TMPRSS6: variants seen among roughly 807,000 people sequenced by gnomAD.
TMPRSS6 encodes transmembrane serine protease 6, also known as transmembrane protease serine 6.
Under a neutral mutation model 101.5 loss-of-function variants are expected in TMPRSS6, and 67 were observed. The ratio of observed to expected loss-of-function variants is 0.66; its 90% CI spans 0.54 to 0.81. The LOEUF (loss-of-function observed/expected upper bound fraction) is 0.81, where lower values mean the gene tolerates loss of function less well. TMPRSS6 is among the 30% of genes least tolerant of loss of function. The pLI, the probability that TMPRSS6 is intolerant of heterozygous loss-of-function variation, is 0.00. For synonymous variants in TMPRSS6, 453 were observed against 464.9 expected (o/e 0.97, Z 0.33); for missense variants, 1,034 against 1,088.7 (o/e 0.95, Z 0.71).
chr22:37,094,422 GAT>G (rs764129253), intron 6 of TMPRSS6, among the ~76,000 whole-genome samples: 10,106 of 149,320 alleles, frequency 0.068, 443 homozygotes, highest in African/African-American at 0.12. Context: ...TAGATAGATA[GAT>G]AGATATAAAC....
rs1391034828 is a variant in TMPRSS6, at chr22:37,095,893, T to G, written c.589+13A>C. 6 of 1,613,866 alleles carry G rather than the reference T, an allele frequency of 3.7e-6. No homozygotes were observed. The East Asian group carries it at 1.3e-4, about 36-fold the overall frequency. ...CATGAGGCCAACCCCACGTTTCCAC[T>G]CGCAGTACTGACCCAGGATCACTAG... On this transcript the variant is annotated intron_variant, in intron 5 of 17. Transcript: ENST00000676104.
At chr22:37,106,031 T>C (rs1237841870) in intron 1 of TMPRSS6, among the ~76,000 whole-genome samples, 1 of 152,118 alleles carries the variant, frequency 6.6e-6, no homozygotes. Flanking sequence ...GGCATAGAGG[T>C]GGTAACAGGT....
At position 37,069,028 on chromosome 22, in the gene TMPRSS6, C is replaced by A; in HGVS notation, c.2113+45G>T. 6.5e-7 allele frequency: 1 copy of A among 1,532,754 alleles called. No homozygotes were observed. The highest frequency in any genetic ancestry group is 1.2e-5 in the South Asian group (1 of 83,684). The allele number at this position is 1,532,754 out of a possible 1,614,324, so 94.9% of individuals were successfully genotyped here. A position where few individuals can be genotyped will look rare whatever the true frequency, so the allele number is the denominator to read the frequency against. ...CAGGCCAGGTGTTACGGCGCAGATC[C>A]GCACGGTCTCCCTCCGCCTCCCGCC... On this transcript the variant is annotated intron_variant, in intron 16 of 17. Transcript: ENST00000676104. This position sits in a 1 kb window ranked among gnomAD's most constrained non-coding sequence, Gnocchi z 4.8.
chr22:37,096,089 C>T lies in TMPRSS6; in HGVS notation c.406G>A (p.Glu136Lys), dbSNP rs116310349. 612 of 1,614,114 alleles carry T rather than the reference C, an allele frequency of 3.8e-4. 4 individuals carry two copies. In the African/African-American group the frequency reaches 7.6e-3, roughly 20 times the overall value. ...CAGAAGAAGCAGGTGAGGGGTCCCTCCCTAAGGCAGGCAGAAGTGAGAGAG... is the reference window on the plus strand; with the variant it reads ...CAGAAGAAGCAGGTGAGGGGTCCCTTCCTAAGGCAGGCAGAAGTGAGAGAG... ...YNSSSVYSFG[E>K]GPLTCFFWFI... The change falls in exon 5 of 18, where the codon GAG becomes AAG. Residue 136 changes from glutamate to lysine, a missense_variant and splice_region_variant. Glu to Lys is a moderately conservative substitution (Grantham distance 56). Coordinates refer to ENST00000676104, the MANE Select transcript of TMPRSS6 (RefSeq NM_001374504.1).
At chr22:37,076,722 G>A (rs1044294282) in intron 10 of TMPRSS6, among the ~76,000 whole-genome samples, 2 of 152,222 alleles carry the variant, frequency 1.3e-5, no homozygotes, top group African/African-American at 4.8e-5. Context: ...GGACACCCTT[G>A]CAGAACAGAT....
At chr22:37,094,827 G>A (rs565643808) in intron 6 of TMPRSS6, among the ~76,000 whole-genome samples, 2 of 152,292 alleles carry the variant, frequency 1.3e-5, no homozygotes, top group South Asian at 2.1e-4. Flanking sequence ...GGGTTGAGAC[G>A]CTCACCCCCA....
In TMPRSS6 at chr22:37,101,190, C is replaced by T. The variant is rs569375470; in HGVS notation, c.202+2026G>A. ...ATTGTGTGGGCAGAGGGGGCGGGAT[C>T]GGGGTCCCAGGAGGAGTGCACGTGA... is the stretch of plus-strand genomic sequence containing the variant. On this transcript the variant is annotated intron_variant, in intron 2 of 17. Coordinates refer to ENST00000676104, the MANE Select transcript of TMPRSS6 (RefSeq NM_001374504.1). The surrounding 1 kb of genome is among the most constrained non-coding windows in gnomAD (Gnocchi z 4.1). Among the ~76,000 whole-genome samples the T allele has an allele frequency of 1.3e-5, 2 of 152,106 alleles. No individual in the cohort carries two copies. Among genetic ancestry groups the T allele is most frequent in the Middle Eastern group, 3.4e-3 (1 of 294 alleles).
In TMPRSS6 at chr22:37,096,735, C is replaced by A; in HGVS notation, c.337-20G>T. ...CTTGAGCTGTGAGAAGGGAAGACAA[C>A]AGCCCCTGGGACCCTCTGCAGGGCA... On this transcript the variant is annotated intron_variant, in intron 3 of 17. Coordinates refer to ENST00000676104, the MANE Select transcript of TMPRSS6 (RefSeq NM_001374504.1). The A allele has an allele frequency of 6.4e-7, 1 of 1,557,708 alleles. No individual in the cohort carries two copies. Among genetic ancestry groups the A allele is most frequent in the Non-Finnish European group, 8.7e-7 (1 of 1,149,838 alleles).
intron 2 of TMPRSS6, among the ~76,000 whole-genome samples, chr22:37,098,895 G>A (rs1930059198): frequency 6.6e-6 from 1 of 152,204 alleles, no homozygotes; most frequent in South Asian, 2.1e-4. Flanking sequence ...CCAAGGTCAT[G>A]GGTCAGCACC....
In TMPRSS6 at chr22:37,065,748, G is replaced by C. The variant is rs1234404804; in HGVS notation, c.*332C>G. ...GTGGGGCGCACCTCAGACACTCCTCGGGATGTAGAACCAGCATTCTTGCTG... is the reference window on the plus strand; with the variant it reads ...GTGGGGCGCACCTCAGACACTCCTCCGGATGTAGAACCAGCATTCTTGCTG... On this transcript the variant is annotated 3_prime_UTR_variant, in exon 18 of 18. Coordinates refer to ENST00000676104, the MANE Select transcript of TMPRSS6 (RefSeq NM_001374504.1). 1.0e-5 allele frequency: 4 copies of C among 392,546 alleles called. No individual in the cohort carries two copies. In the Admixed American group the frequency reaches 1.5e-4, roughly 14 times the overall value. 24.3% of individuals were successfully genotyped at this position (392,546 alleles called of 1,614,324 possible).
At chr22:37,092,556 G>A (rs1163394784) in intron 6 of TMPRSS6, among the ~76,000 whole-genome samples, 1 of 151,502 alleles carries the variant, frequency 6.6e-6, no homozygotes, top group Non-Finnish European at 1.5e-5. Context: ...GAGTGCAATG[G>A]TGCAATCTTG....
Position 37,103,602 on chromosome 22 carries a change from G to A in TMPRSS6, c.-1-184C>T, listed in dbSNP as rs1930522176. ...CACAGAGGAGGGAAGTGCATCTCAGGTCAGCTCGCACCAGAGGGCAGGCAC... is the reference window on the plus strand; with the variant it reads ...CACAGAGGAGGGAAGTGCATCTCAGATCAGCTCGCACCAGAGGGCAGGCAC... On this transcript the variant is annotated intron_variant, in intron 1 of 17. Transcript: ENST00000676104. This position sits in a 1 kb window ranked among gnomAD's most constrained non-coding sequence, Gnocchi z 4.4. 6.2e-7 allele frequency: 1 copy of A among 1,610,492 alleles called. No individual in the cohort carries two copies.
intron 3 of TMPRSS6, 71 bp downstream of exon 3, chr22:37,098,345 T>TGTGATCA (rs908400208): frequency 6.8e-6 from 11 of 1,610,272 alleles, no homozygotes; most frequent in Non-Finnish European, 8.5e-6. Context: ...ACTGGCTCCA[T>TGTGATCA]GTGATCAGAC....
In TMPRSS6 at chr22:37,101,291, G is replaced by A. The variant is rs1303043362; in HGVS notation, c.202+1925C>T. ...CTGTTTTGTTTTCTCACTGAAGCAG[G>A]AGACAGGGGCAGGCGGGTGCTGGGG... On this transcript the variant is annotated intron_variant, in intron 2 of 17. Transcript: ENST00000676104. This position sits in a 1 kb window ranked among gnomAD's most constrained non-coding sequence, Gnocchi z 4.1. Among the ~76,000 whole-genome samples the A allele has an allele frequency of 6.6e-6, 1 of 152,102 alleles. No individual in the cohort carries two copies. Among genetic ancestry groups the A allele is most frequent in the Non-Finnish European group, 1.5e-5 (1 of 68,008 alleles).
Position 37,078,787 on chromosome 22 carries a change from GA to G in TMPRSS6, c.1197-3508del, listed in dbSNP as rs1569005374. ...AGAATGAGGAGAAGGAGGAGGAGAA[GA>G]AGAAGGAGGAGGAGGAAGAGGAGAA... is the stretch of plus-strand genomic sequence containing the variant. On this transcript the variant is annotated intron_variant, in intron 10 of 17. Coordinates refer to ENST00000676104, the MANE Select transcript of TMPRSS6 (RefSeq NM_001374504.1). 3.6e-4 allele frequency among the ~76,000 whole-genome samples: 53 copies of G among 146,216 alleles called. 1 individual carries two copies. The highest frequency in any genetic ancestry group is 7.3e-4 in the Non-Finnish European group (49 of 67,150).
intron 10 of TMPRSS6, among the ~76,000 whole-genome samples, chr22:37,079,016 A>AGAAAG (rs1491380564): frequency 1.5e-5 from 2 of 129,806 alleles, no homozygotes; most frequent in Admixed American, 1.7e-4. Context: ...AAAGAAAGAA[A>AGAAAG]GAGAAAGAGA....
intron 6 of TMPRSS6, 44 bp from the exon 7 acceptor site, chr22:37,089,826 G>A: frequency 6.3e-7 from 1 of 1,584,012 alleles, no homozygotes; most frequent in South Asian, 1.1e-5. Flanking sequence ...CTGTGAGCCA[G>A]AAGGAGGGGA....
At chr22:37,071,468 T>C (rs1188253933) in intron 13 of TMPRSS6, among the ~76,000 whole-genome samples, 2 of 152,148 alleles carry the variant, frequency 1.3e-5, no homozygotes, top group Non-Finnish European at 2.9e-5. Flanking sequence ...CTCTCTCCTT[T>C]CCTCCTGCCT....
intron 10 of TMPRSS6, among the ~76,000 whole-genome samples, chr22:37,078,823 GAAGA>G (rs1927933268): frequency 7.0e-6 from 1 of 143,692 alleles, no homozygotes; most frequent in Admixed American, 7.0e-5. Context: ...AGGAGAAGAA[GAAGA>G]AAGAGGAGGA....
Sources: allele counts gnomAD v4.1 joint callset (sites outside exome capture counted in the v4.1 genomes callset), GRCh38; gene constraint gnomAD v4.1.1; non-coding constraint Gnocchi (gnomAD v3.1); transcripts MANE v1.5; gene names NCBI Gene and HGNC (gene_info 2026-07-23, HGNC 2026-07-21).